The following IL1RAPL1 variants were observed in gnomAD, a reference collection of about 807,000 sequenced individuals.
IL1RAPL1 encodes interleukin-1 receptor accessory protein-like 1.
IL1RAPL1 carries 3 observed loss-of-function variants against 48.4 expected under a neutral mutation model. The observed-to-expected ratio is 0.06, with a 90% CI of 0.03 to 0.16. The LOEUF (loss-of-function observed/expected upper bound fraction) is 0.16, where lower values mean the gene tolerates loss of function less well. IL1RAPL1 is among the 10% of genes least tolerant of loss of function. IL1RAPL1 has a pLI of 1.00. For missense variants in IL1RAPL1, 349 were observed against 530.6 expected (o/e 0.66, Z 3.36); for synonymous variants, 185 against 187.7 (o/e 0.99, Z 0.12).
At chrX:29,506,431 T>TCC (rs1178423219) in intron 5 of IL1RAPL1, among the ~76,000 whole-genome samples, 11 of 56,215 alleles carry the variant, frequency 2.0e-4, no homozygotes, top group African/African-American at 5.5e-4. Flanking sequence ...CTTCTTCTCC[T>TCC]TCTCCTTCTC....
chrX:29,171,544 T>C (rs1929908095), intron 2 of IL1RAPL1, among the ~76,000 whole-genome samples: 1 of 111,846 alleles, frequency 8.9e-6, no homozygotes, highest in Admixed American at 9.6e-5. Context: ...ATTGTCTCTA[T>C]GTGAGTATGA....
At chrX:29,102,192 A>G (rs1422559179) in intron 2 of IL1RAPL1, among the ~76,000 whole-genome samples, 1 of 111,765 alleles carries the variant, frequency 8.9e-6, no homozygotes, top group Non-Finnish European at 1.9e-5. Context: ...AATGAAAGCC[A>G]TGGATGACAA....
At chrX:29,004,897 T>TGATAGTG (rs2147390594) in intron 2 of IL1RAPL1, among the ~76,000 whole-genome samples, 1 of 111,810 alleles carries the variant, frequency 8.9e-6, no homozygotes, top group East Asian at 2.8e-4. Context: ...TGGTGGCCAC[T>TGATAGTG]CCTCATGATA....
intron 5 of IL1RAPL1, among the ~76,000 whole-genome samples, chrX:29,651,272 T>C (rs1309728178): frequency 9.0e-6 from 1 of 111,217 alleles, no homozygotes; most frequent in Non-Finnish European, 1.9e-5. Flanking sequence ...CACTCCTCGG[T>C]ATATATCCAA....
At chrX:29,745,784 G>A (rs1038896417) in intron 6 of IL1RAPL1, among the ~76,000 whole-genome samples, 1 of 110,536 alleles carries the variant, frequency 9.0e-6, no homozygotes, top group Non-Finnish European at 1.9e-5. Context: ...GCCTTCACTA[G>A]CATTACTACA....
intron 3 of IL1RAPL1, among the ~76,000 whole-genome samples, chrX:29,286,741 A>G (rs1179914515): frequency 8.9e-6 from 1 of 111,788 alleles, no homozygotes; most frequent in Non-Finnish European, 1.9e-5. Context: ...CTTGACCTCC[A>G]ACTTTTTAAT....
At chrX:29,582,136 G>T (rs750024568) in intron 5 of IL1RAPL1, among the ~76,000 whole-genome samples, 5 of 111,071 alleles carry the variant, frequency 4.5e-5, no homozygotes, top group Non-Finnish European at 9.4e-5. Flanking sequence ...ATTGCTTAAC[G>T]TGGGAAAACA....
At chrX:29,756,753 T>A (rs754000557) in intron 6 of IL1RAPL1, among the ~76,000 whole-genome samples, 38 of 112,205 alleles carry the variant, frequency 3.4e-4, no homozygotes, top group African/African-American at 1.2e-3. Flanking sequence ...TTGGATATAT[T>A]CGTCCAAAAA....
chrX:28,999,942 A>G (rs749651114), intron 2 of IL1RAPL1, among the ~76,000 whole-genome samples: 5 of 111,584 alleles, frequency 4.5e-5, no homozygotes, highest in African/African-American at 1.6e-4. Flanking sequence ...AGTTCCAGCA[A>G]TCCCACAGCA....
intron 6 of IL1RAPL1, among the ~76,000 whole-genome samples, chrX:29,745,143 C>A (rs1478558962): frequency 1.8e-5 from 2 of 111,553 alleles, no homozygotes; most frequent in Non-Finnish European, 3.8e-5. Flanking sequence ...GTGATGGATT[C>A]TTGGCTGCAG....
At chrX:29,773,159 C>A (rs1929107985) in intron 6 of IL1RAPL1, among the ~76,000 whole-genome samples, 1 of 112,430 alleles carries the variant, frequency 8.9e-6, no homozygotes, top group Non-Finnish European at 1.9e-5. Context: ...GAGTTTCCTA[C>A]CAAATATTTC....
At chrX:29,485,555 C>T (rs1935086936) in intron 5 of IL1RAPL1, among the ~76,000 whole-genome samples, 1 of 111,267 alleles carries the variant, frequency 9.0e-6, no homozygotes, top group South Asian at 3.8e-4. Flanking sequence ...CCTTTAACCC[C>T]ACTCTTAATT....
intron 3 of IL1RAPL1, among the ~76,000 whole-genome samples, chrX:29,297,805 G>A (rs1294358802): frequency 8.9e-6 from 1 of 112,067 alleles, no homozygotes; most frequent in Non-Finnish European, 1.9e-5. Flanking sequence ...TATTCAGGTA[G>A]ATCTTCCTTT....
At position 29,802,783 on chromosome X, in the gene IL1RAPL1, GTGTGTGTGTA is replaced by G. The variant is rs1393900969; in HGVS notation, c.779-114679_779-114670del. ...TATATATATATATATATATATATAT[GTGTGTGTGTA>G]TATATATATATATATATGTGTGTAT... On this transcript the variant is annotated intron_variant, in intron 6 of 10. Transcript: ENST00000378993. Among the ~76,000 whole-genome samples, 11 of 19,280 alleles carry G rather than the reference GTGTGTGTGTA, an allele frequency of 5.7e-4. No individual in the cohort carries two copies. In the Admixed American group the frequency reaches 6.0e-3, roughly 10 times the overall value. The allele number at this position is 19,280 out of a possible 115,157, so 16.7% of individuals were successfully genotyped here. A position where few individuals can be genotyped will look rare whatever the true frequency, so the allele number is the denominator to read the frequency against.
chrX:29,435,136 T>C (rs1163761675), intron 5 of IL1RAPL1, among the ~76,000 whole-genome samples: 1 of 111,398 alleles, frequency 9.0e-6, no homozygotes, highest in Non-Finnish European at 1.9e-5. Context: ...CAGCGCTCTA[T>C]TCCTTTTCAT....
chrX:28,658,542 T>C (rs1934777988), intron 1 of IL1RAPL1, among the ~76,000 whole-genome samples: 1 of 110,708 alleles, frequency 9.0e-6, no homozygotes, highest in African/African-American at 3.3e-5. Flanking sequence ...TTGTCTTTTT[T>C]TTTTTTTAGT....
chrX:29,518,088 G>T (rs1237550093), intron 5 of IL1RAPL1, among the ~76,000 whole-genome samples: 1 of 109,980 alleles, frequency 9.1e-6, no homozygotes, highest in Non-Finnish European at 1.9e-5. Context: ...AATTTTTTTT[G>T]AGTATGTTCT....
intron 2 of IL1RAPL1, among the ~76,000 whole-genome samples, chrX:29,177,623 C>A (rs186209046): frequency 8.4e-4 from 94 of 111,901 alleles, no homozygotes; most frequent in African/African-American, 2.9e-3. Flanking sequence ...ACTTTAAGTT[C>A]TAGGGTACAT....
intron 6 of IL1RAPL1, among the ~76,000 whole-genome samples, chrX:29,705,897 T>C (rs1927181633): frequency 1.8e-5 from 2 of 112,621 alleles, no homozygotes; most frequent in South Asian, 7.2e-4. Context: ...AAGCACTTTG[T>C]ATTAGTCCAT....
Sources: allele counts gnomAD v4.1 joint callset (sites outside exome capture counted in the v4.1 genomes callset), GRCh38; gene constraint gnomAD v4.1.1; transcripts MANE v1.5; gene names NCBI Gene and HGNC (gene_info 2026-07-23, HGNC 2026-07-21).